The following SLC26A4 variants were observed in gnomAD, a reference collection of about 807,000 sequenced individuals.
SLC26A4 encodes solute carrier family 26 member 4, also known as pendrin.
SLC26A4 carries 93 observed loss-of-function variants against 90.4 expected under a neutral mutation model. The ratio of observed to expected loss-of-function variants is 1.03; its 90% confidence interval spans 0.87 to 1.22. SLC26A4 has a LOEUF of 1.22. Among genes scored for constraint, SLC26A4 ranks in the 50% most tolerant of loss-of-function variants. SLC26A4 has a pLI of 0.00. For missense variants in SLC26A4, 1,127 were observed against 946.2 expected, an observed-to-expected ratio of 1.19 and a Z score of -2.51; for synonymous variants, 393 against 354.6, an observed-to-expected ratio of 1.11 and a Z score of -1.22.
At chr7:107,709,984 C>A in intron 18 of SLC26A4, 70 bp from the exon 19 acceptor site, 1 of 1,348,440 alleles carries the variant, frequency 7.4e-7, no homozygotes, top group Non-Finnish European at 1.1e-6. Context: ...TAGAATGAGA[C>A]TCTGTCTCAA....
intron 8 of SLC26A4, among the ~76,000 whole-genome samples, chr7:107,687,169 C>A (rs1791443549): frequency 1.3e-5 from 2 of 152,226 alleles, no homozygotes; most frequent in African/African-American, 4.8e-5. Flanking sequence ...CACATGCTCA[C>A]TCCCTTGGGC....
chr7:107,700,356 A>T (rs1009613758), intron 15 of SLC26A4, among the ~76,000 whole-genome samples, 181 bp downstream of exon 15: 9 of 152,150 alleles, frequency 5.9e-5, no homozygotes, highest in African/African-American at 1.9e-4. Flanking sequence ...TTTGGGGATT[A>T]AAAAAACACA....
chr7:107,691,108 TACACAC>T (rs113420862), intron 10 of SLC26A4, among the ~76,000 whole-genome samples: 54 of 141,516 alleles, frequency 3.8e-4, no homozygotes, highest in African/African-American at 8.4e-4. Context: ...CATAGTGCAA[TACACAC>T]ACACACACAC....
intron 10 of SLC26A4, chr7:107,693,769 T>G (rs1791648707): frequency 1.5e-5 from 15 of 970,820 alleles, no homozygotes; most frequent in Non-Finnish European, 1.9e-5. Context: ...TCAGGCTGCC[T>G]TGGGGCAAAG....
intron 8 of SLC26A4, among the ~76,000 whole-genome samples, chr7:107,686,695 G>T (rs922489539): frequency 2.0e-5 from 3 of 151,998 alleles, no homozygotes; most frequent in Non-Finnish European, 2.9e-5. Flanking sequence ...GGCCAGGCTG[G>T]CCTCAAACTC....
chr7:107,679,709 C>T (rs768156950), intron 6 of SLC26A4, among the ~76,000 whole-genome samples: 21 of 150,938 alleles, frequency 1.4e-4, no homozygotes, highest in South Asian at 4.2e-4. Flanking sequence ...TGTATCCATA[C>T]TATTAACATA....
chr7:107,709,889 G>C (rs890021392), intron 18 of SLC26A4, among the ~76,000 whole-genome samples, 165 bp from the exon 19 acceptor site: 1 of 152,150 alleles, frequency 6.6e-6, no homozygotes, highest in Non-Finnish European at 1.5e-5. Flanking sequence ...CTAGCTAATT[G>C]GGAGGGTGAG....
rs923574359 is a variant in SLC26A4, at chr7:107,691,277, G to A, written c.1263+1040G>A. Among the ~76,000 whole-genome samples the A allele has an allele frequency of 3.9e-5, 6 of 151,962 alleles. No homozygotes were observed. In the South Asian group the frequency reaches 6.2e-4, roughly 16 times the overall value. ...AGCACTTTGGGAGGCTGAGGTGGGC[G>A]GATCAATTGAGGTCAGGAGTTCGAG... On this transcript the variant is annotated intron_variant, in intron 10 of 20. Coordinates refer to ENST00000644269, the MANE Select transcript of SLC26A4 (RefSeq NM_000441.2).
chr7:107,669,356 TG>T (rs1460621585), intron 3 of SLC26A4, among the ~76,000 whole-genome samples: 2 of 152,216 alleles, frequency 1.3e-5, no homozygotes, highest in East Asian at 3.8e-4. Flanking sequence ...GGTCCCTAAA[TG>T]GGACACTCTG....
chr7:107,690,890 GA>G, intron 10 of SLC26A4, among the ~76,000 whole-genome samples: 1 of 152,028 alleles, frequency 6.6e-6, no homozygotes, highest in Middle Eastern at 3.4e-3. Flanking sequence ...TCAGTGTTCA[GA>G]AAGCTCAGGA....
rs1388503179 is a variant in SLC26A4, at chr7:107,661,336, C to T, written c.-3-303C>T. ...CGCCCTGGCTGCGGGCCATAGGGGA[C>T]TGGGTGGAACTCGGGAAGCCCCCAG... On this transcript the variant is annotated intron_variant, in intron 1 of 20. Transcript: ENST00000644269. The surrounding 1 kb of genome is among the most constrained non-coding windows in gnomAD (Gnocchi z 5.1). 5 of 510,878 alleles carry T rather than the reference C, an allele frequency of 9.8e-6. No individual in the cohort carries two copies. Among genetic ancestry groups the T allele is most frequent in the Non-Finnish European group, 1.8e-5 (5 of 282,284 alleles). 31.6% of individuals were successfully genotyped at this position (510,878 alleles called of 1,614,324 possible).
chr7:107,709,076 G>C (rs1792111075), intron 18 of SLC26A4, among the ~76,000 whole-genome samples: 1 of 152,218 alleles, frequency 6.6e-6, no homozygotes, highest in Admixed American at 6.5e-5. Context: ...GCAGGATAGG[G>C]AAGGGGAAGA....
intron 14 of SLC26A4, 42 bp downstream of exon 14, chr7:107,698,153 A>G (rs754676873): frequency 7.7e-7 from 1 of 1,296,834 alleles, no homozygotes. Flanking sequence ...TGGGTTTACT[A>G]GCCTGAAGTT....
chr7:107,677,756 CCACCA>C (rs1352388375), intron 6 of SLC26A4, among the ~76,000 whole-genome samples: 1 of 151,814 alleles, frequency 6.6e-6, no homozygotes, highest in Non-Finnish European at 1.5e-5. Flanking sequence ...CAGGTGTGCA[CCACCA>C]CACCTGGCTA....
intron 16 of SLC26A4, 59 bp from the exon 17 acceptor site, chr7:107,701,768 G>A: frequency 2.7e-6 from 3 of 1,113,174 alleles, no homozygotes; most frequent in Non-Finnish European, 4.1e-6. Context: ...AATTTGATAT[G>A]AATGGTTGAA....
chr7:107,661,811 G>A lies in SLC26A4; in HGVS notation c.164+6G>A, dbSNP rs778521684. Reference sequence around the variant, plus strand: ...AGCCTGGCCAAGTGCTGCAGGTAGCGGCCGCGCGGGCCTGCGTAGAGAGAA... The same window carrying A: ...AGCCTGGCCAAGTGCTGCAGGTAGCAGCCGCGCGGGCCTGCGTAGAGAGAA... On this transcript the variant is annotated splice_donor_region_variant and intron_variant, in intron 2 of 20. Coordinates refer to ENST00000644269, the MANE Select transcript of SLC26A4 (RefSeq NM_000441.2). This position sits in a 1 kb window ranked among gnomAD's most constrained non-coding sequence, Gnocchi z 5.1. 3.3e-6 allele frequency: 5 copies of A among 1,534,572 alleles called. No individual in the cohort carries two copies. Among genetic ancestry groups the A allele is most frequent in the Non-Finnish European group, 4.4e-6 (5 of 1,145,914 alleles).
chr7:107,707,836 C>A (rs952425329), intron 18 of SLC26A4, among the ~76,000 whole-genome samples: 3 of 152,150 alleles, frequency 2.0e-5, no homozygotes, highest in African/African-American at 7.2e-5. Context: ...TCCTCTGGAA[C>A]ATCCCAAAGT....
intron 3 of SLC26A4, among the ~76,000 whole-genome samples, chr7:107,667,233 G>C (rs143102284): frequency 2.8e-4 from 42 of 152,060 alleles, no homozygotes; most frequent in African/African-American, 9.9e-4. Context: ...GTCTAGGCTA[G>C]ACATAAAAAT....
Position 107,675,084 on chromosome 7 carries a change from A to G in SLC26A4, c.740A>G (p.Tyr247Cys). 9 of 1,614,014 alleles carry G rather than the reference A, an allele frequency of 5.6e-6. No individual in the cohort carries two copies. Among genetic ancestry groups the G allele is most frequent in the Non-Finnish European group, 6.8e-6 (8 of 1,179,972 alleles). ...GTCCTCAATGTTTCAACCAAAAACT[A>G]CAATGGAGTTCTCTCTATTATCTAT... is the stretch of plus-strand genomic sequence containing the variant. ...KIVLNVSTKN[Y>C]NGVLSIIYTL... Residue 247 changes from tyrosine to cysteine, a missense_variant, in exon 6 of 21, where the codon TAC becomes TGC. Transcript: ENST00000644269.
Sources: allele counts gnomAD v4.1 joint callset (sites outside exome capture counted in the v4.1 genomes callset), GRCh38; gene constraint gnomAD v4.1.1; non-coding constraint Gnocchi (gnomAD v3.1); transcripts MANE v1.5; gene names NCBI Gene and HGNC (gene_info 2026-07-23, HGNC 2026-07-21).